The following GRIA4 variants were observed in gnomAD, a reference collection of about 807,000 sequenced individuals.
GRIA4 encodes glutamate receptor 4.
Under a neutral mutation model 104.0 loss-of-function variants are expected in GRIA4, and 34 were observed. The ratio of observed to expected loss-of-function variants is 0.33; its 90% CI spans 0.25 to 0.44. The LOEUF (loss-of-function observed/expected upper bound fraction) is 0.44. GRIA4 is among the 20% of genes least tolerant of loss of function. GRIA4 has a pLI of 1.00. For synonymous variants in GRIA4, 386 were observed against 381.9 expected (o/e 1.01, Z -0.13); for missense variants, 750 against 1,096.5 (o/e 0.68, Z 4.46).
Position 105,979,759 on chromosome 11 carries a change from G to A in GRIA4, c.*20G>A. 6.3e-7 allele frequency: 1 copy of A among 1,595,958 alleles called. No homozygotes were observed. Among genetic ancestry groups the A allele is most frequent in the African/African-American group, 1.3e-5 (1 of 74,646 alleles). Reference sequence around the variant, plus strand: ...CCATAAAAACCAAAAAAATAATTGAGTGCCTTAATTAAACTGTTGGTGACT... The same window carrying A: ...CCATAAAAACCAAAAAAATAATTGAATGCCTTAATTAAACTGTTGGTGACT... On this transcript the variant is annotated 3_prime_UTR_variant, in exon 17 of 17. Coordinates refer to ENST00000282499, the MANE Select transcript of GRIA4 (RefSeq NM_000829.4).
At chr11:105,628,945 C>T (rs1445616706) in intron 3 of GRIA4, among the ~76,000 whole-genome samples, 1 of 152,038 alleles carries the variant, frequency 6.6e-6, no homozygotes, top group Non-Finnish European at 1.5e-5. Context: ...GCCATCATCT[C>T]AGCCCAAAAT....
Position 105,960,098 on chromosome 11 carries a change from G to A in GRIA4, c.2295-11816G>A, listed in dbSNP as rs1182426589. On this transcript the variant is annotated intron_variant, in intron 14 of 16. Coordinates refer to ENST00000282499, the MANE Select transcript of GRIA4 (RefSeq NM_000829.4). Reference sequence around the variant, plus strand: ...TTGGAGGGTCTCATTCAGTTGGGTGGCACAGGGAGCAGGACCTATTCAATG... The same window carrying A: ...TTGGAGGGTCTCATTCAGTTGGGTGACACAGGGAGCAGGACCTATTCAATG... Among the ~76,000 whole-genome samples the A allele has an allele frequency of 3.9e-5, 6 of 152,338 alleles. No individual in the cohort carries two copies. In the East Asian group the frequency reaches 1.2e-3, roughly 30 times the overall value.
At chr11:105,904,793 A>G (rs1466143204) in intron 8 of GRIA4, among the ~76,000 whole-genome samples, 1 of 152,172 alleles carries the variant, frequency 6.6e-6, no homozygotes, top group Admixed American at 6.5e-5. Context: ...TCTTAATTTT[A>G]ATATTAGCAA....
At chr11:105,630,998 A>G (rs1471020742) in intron 3 of GRIA4, among the ~76,000 whole-genome samples, 5 of 152,174 alleles carry the variant, frequency 3.3e-5, no homozygotes, top group Admixed American at 3.3e-4. Flanking sequence ...TCTTTATTTA[A>G]AATTCTCGTC....
intron 14 of GRIA4, among the ~76,000 whole-genome samples, chr11:105,958,441 C>A (rs1412746920): frequency 1.3e-5 from 2 of 152,158 alleles, no homozygotes; most frequent in Non-Finnish European, 2.9e-5. Flanking sequence ...GTTGAACCAG[C>A]CTTTCATCCC....
In GRIA4 at chr11:105,913,419, T is replaced by G. The variant is rs573870313; in HGVS notation, c.1269+2874T>G. On this transcript the variant is annotated intron_variant, in intron 10 of 16. Transcript: ENST00000282499. Reference sequence around the variant, plus strand: ...CTGAATATACCACAGCAAAATCTAATAGAAAATAAAATTAATATCATCATT... The same window carrying G: ...CTGAATATACCACAGCAAAATCTAAGAGAAAATAAAATTAATATCATCATT... 6.7e-6 allele frequency: 3 copies of G among 448,968 alleles called. No individual in the cohort carries two copies. The Admixed American group carries it at 1.9e-4, about 29-fold the overall frequency. The allele number at this position is 448,968 out of a possible 1,614,324, so 27.8% of individuals were successfully genotyped here.
intron 14 of GRIA4, among the ~76,000 whole-genome samples, chr11:105,954,910 T>TTTTA (rs1299000540): frequency 2.2e-5 from 1 of 45,734 alleles, no homozygotes; most frequent in Non-Finnish European, 4.3e-5. Flanking sequence ...TGCTTTCAAT[T>TTTTA]TATATATATA....
chr11:105,914,951 C>G (rs1028696630), intron 10 of GRIA4, among the ~76,000 whole-genome samples: 1 of 152,044 alleles, frequency 6.6e-6, no homozygotes, highest in Non-Finnish European at 1.5e-5. Flanking sequence ...TAGCCCCCTA[C>G]CTTTGTATTA....
chr11:105,626,672 C>T (rs894903936), intron 3 of GRIA4, among the ~76,000 whole-genome samples: 1 of 152,196 alleles, frequency 6.6e-6, no homozygotes, highest in African/African-American at 2.4e-5. Flanking sequence ...AATTAACATG[C>T]AGCCAAGCTG....
At chr11:105,970,338 G>A (rs1858620850) in intron 14 of GRIA4, among the ~76,000 whole-genome samples, 1 of 151,642 alleles carries the variant, frequency 6.6e-6, no homozygotes, top group African/African-American at 2.4e-5. Context: ...AAAAAAAATG[G>A]GTTTTAGTTT....
chr11:105,818,916 T>G (rs2135895551), intron 4 of GRIA4, among the ~76,000 whole-genome samples: 1 of 152,180 alleles, frequency 6.6e-6, no homozygotes, highest in East Asian at 1.9e-4. Flanking sequence ...AATTTAATTT[T>G]TATGCATGTG....
At chr11:105,816,041 C>T (rs1382818632) in intron 4 of GRIA4, among the ~76,000 whole-genome samples, 8 of 152,242 alleles carry the variant, frequency 5.3e-5, no homozygotes, top group Non-Finnish European at 1.2e-4. Flanking sequence ...GATAGCATGA[C>T]GTAACAAGAG....
chr11:105,754,995 G>T (rs1055334084), intron 4 of GRIA4, among the ~76,000 whole-genome samples: 4 of 151,956 alleles, frequency 2.6e-5, no homozygotes, highest in African/African-American at 9.7e-5. Flanking sequence ...TTTGTTTCTT[G>T]TTAGCATTTT....
intron 4 of GRIA4, among the ~76,000 whole-genome samples, chr11:105,837,469 C>T (rs1944236018): frequency 6.6e-6 from 1 of 152,104 alleles, no homozygotes; most frequent in Non-Finnish European, 1.5e-5. Context: ...GAATAAGGAG[C>T]ACAGTGTAGA....
intron 4 of GRIA4, among the ~76,000 whole-genome samples, chr11:105,803,639 T>C (rs1364661175): frequency 1.3e-5 from 2 of 151,910 alleles, no homozygotes; most frequent in East Asian, 1.9e-4. Context: ...GATCAATAAA[T>C]TGATGTGCTA....
intron 3 of GRIA4, among the ~76,000 whole-genome samples, chr11:105,740,467 A>G (rs1939237061): frequency 6.6e-6 from 1 of 152,240 alleles, no homozygotes; most frequent in African/African-American, 2.4e-5. Flanking sequence ...GCAAATATTA[A>G]TTGAACACTT....
chr11:105,629,668 A>G (rs1357219796), intron 3 of GRIA4, among the ~76,000 whole-genome samples: 1 of 152,192 alleles, frequency 6.6e-6, no homozygotes, highest in African/African-American at 2.4e-5. Context: ...TTGATTCATA[A>G]TATCTAAATA....
intron 3 of GRIA4, among the ~76,000 whole-genome samples, chr11:105,717,960 T>G (rs1231260287): frequency 4.1e-5 from 6 of 146,698 alleles, no homozygotes; most frequent in Non-Finnish European, 7.4e-5. Flanking sequence ...TTGGAAATCA[T>G]CATTCTCAGT....
chr11:105,823,373 A>G (rs1356156091), intron 4 of GRIA4, among the ~76,000 whole-genome samples: 1 of 152,122 alleles, frequency 6.6e-6, no homozygotes, highest in Non-Finnish European at 1.5e-5. Flanking sequence ...TTCTGCGGTT[A>G]GGTTCTTGTG....
Sources: allele counts gnomAD v4.1 joint callset (sites outside exome capture counted in the v4.1 genomes callset), GRCh38; gene constraint gnomAD v4.1.1; transcripts MANE v1.5; gene names NCBI Gene and HGNC (gene_info 2026-07-23, HGNC 2026-07-21).